The following GCN1 variants were observed in gnomAD, a reference collection of about 807,000 sequenced individuals.
GCN1 encodes stalled ribosome sensor GCN1.
GCN1 carries 90 observed loss-of-function variants against 288.4 expected under a neutral mutation model. The ratio of observed to expected loss-of-function variants is 0.31; its 90% confidence interval spans 0.26 to 0.37. GCN1 has a LOEUF of 0.37. GCN1 is among the 10% of genes least tolerant of loss of function. The probability of loss-of-function intolerance (pLI) is 1.00; values close to 1 mark genes in which losing one functional copy is unlikely to be tolerated. For synonymous variants in GCN1, 1,386 were observed against 1,420.2 expected, an observed-to-expected ratio of 0.98 and a Z score of 0.54; for missense variants, 2,586 against 3,419.9, an observed-to-expected ratio of 0.76 and a Z score of 6.08.
rs780682486 is a variant in GCN1 at position 120,153,735 on chromosome 12, C to A, written c.3867+9G>T. On this transcript the variant is annotated intron_variant, in intron 32 of 57. Transcript: ENST00000300648. This position sits in a 1 kb window ranked among gnomAD's most constrained non-coding sequence, Gnocchi z 4.4. ...TCCCGTGGGTGTTCCCTGGCTGGGACCCCCTTACCTTCCCATGAGTGTTGA... is the reference window on the plus strand; with the variant it reads ...TCCCGTGGGTGTTCCCTGGCTGGGAACCCCTTACCTTCCCATGAGTGTTGA... The A allele has an allele frequency of 4.3e-5, 69 of 1,612,730 alleles. No individual in the cohort carries two copies. Among genetic ancestry groups the A allele is most frequent in the Non-Finnish European group, 5.8e-5 (68 of 1,179,218 alleles).
In GCN1 at chr12:120,127,844, G is replaced by T. The variant is rs1876666715; in HGVS notation, c.*5C>A. ...AGCGGCAATGCTGCTGCTGGCCCAG[G>T]CCTCTCATGTCAGGATGGTGTCGTC... is the stretch of plus-strand genomic sequence containing the variant. On this transcript the variant is annotated 3_prime_UTR_variant, in exon 58 of 58. Coordinates refer to ENST00000300648, the MANE Select transcript of GCN1 (RefSeq NM_006836.2). 1.2e-6 allele frequency: 2 copies of T among 1,612,644 alleles called. No individual in the cohort carries two copies. The highest frequency in any genetic ancestry group is 3.3e-5 in the Admixed American group (2 of 59,916).
chr12:120,171,637 G>T (rs923933305), intron 14 of GCN1, among the ~76,000 whole-genome samples: 1 of 152,058 alleles, frequency 6.6e-6, no homozygotes, highest in African/African-American at 2.4e-5. Context: ...TTATTACAGA[G>T]GTTTATTTTC....
At position 120,164,434 on chromosome 12, in the gene GCN1, C is replaced by A. The variant is rs1878033939; in HGVS notation, c.1750G>T (p.Ala584Ser). ...LSRTWHVRRQ[A>S]QQTVRKLLSS... is the part of the protein sequence containing the mutation. ...AGCAGCTTCCGAACTGTCTGCTGAG[C>A]CTGCCTGCGGACGTGCCAGGTGCGG... Residue 584 changes from alanine to serine, a missense_variant, in exon 18 of 58, where the codon GCT (alanine) becomes TCT (serine). Ala to Ser is a moderately conservative substitution (Grantham distance 99, BLOSUM62 1). Around this residue, in one of 8 missense-constraint regions of GCN1, gnomAD observed 913 missense variants for 1,107.0 expected, o/e 0.82. Coordinates refer to ENST00000300648, the MANE Select transcript of GCN1 (RefSeq NM_006836.2). 6.2e-7 allele frequency: 1 copy of A among 1,614,022 alleles called. No homozygotes were observed. The highest frequency in any genetic ancestry group is 1.3e-5 in the African/African-American group (1 of 74,934).
In GCN1 at chr12:120,144,510, A is replaced by G; in HGVS notation, c.5353-62T>C. The G allele has an allele frequency of 1.3e-6, 2 of 1,582,212 alleles. No homozygotes were observed. The highest frequency in any genetic ancestry group is 1.8e-5 in the Admixed American group (1 of 55,944). ...CCCCCAGGCCCCCAGCCCAAAAAACATGGGGCTCACTGAAGGCTGAGGGCT... is the reference window on the plus strand; with the variant it reads ...CCCCCAGGCCCCCAGCCCAAAAAACGTGGGGCTCACTGAAGGCTGAGGGCT... On this transcript the variant is annotated intron_variant, in intron 41 of 57. Coordinates refer to ENST00000300648, the MANE Select transcript of GCN1 (RefSeq NM_006836.2). This position sits in a 1 kb window ranked among gnomAD's most constrained non-coding sequence, Gnocchi z 4.7.
At chr12:120,190,441 ATAAAAC>A in intron 1 of GCN1, 41 bp from the exon 2 acceptor site, 1 of 1,060,070 alleles carries the variant, frequency 9.4e-7, no homozygotes. Flanking sequence ...TAGTCAGACT[ATAAAAC>A]TATGAGTGTG....
At chr12:120,150,956 G>C (rs1877528749) in intron 34 of GCN1, among the ~76,000 whole-genome samples, 189 bp downstream of exon 34, 1 of 151,358 alleles carries the variant, frequency 6.6e-6, no homozygotes, top group Non-Finnish European at 1.5e-5. Context: ...AAACAGAAAA[G>C]AAAAAAAAAT....
rs1289112258 is a variant in GCN1 at position 120,131,912 on chromosome 12, T to A, written c.7414+14A>T. On this transcript the variant is annotated intron_variant, in intron 54 of 57. Transcript: ENST00000300648. The stretch of plus-strand genomic sequence containing the variant: ...GGCCCAGGTCCCTGAAGGGGAACTC[T>A]CCAGTGTACTTACCCAGCAAGCACT... 6.4e-7 allele frequency: 1 copy of A among 1,550,550 alleles called. No individual in the cohort carries two copies. Among genetic ancestry groups the A allele is most frequent in the African/African-American group, 1.4e-5 (1 of 73,976 alleles).
At position 120,153,467 on chromosome 12, in the gene GCN1, C is replaced by G. The variant is rs1193799653; in HGVS notation, c.3868-60G>C. 6.9e-7 allele frequency: 1 copy of G among 1,453,632 alleles called. No homozygotes were observed. The highest frequency in any genetic ancestry group is 9.5e-7 in the Non-Finnish European group (1 of 1,053,008). 90.0% of individuals were successfully genotyped at this position (1,453,632 alleles called of 1,614,324 possible). A position where few individuals can be genotyped will look rare whatever the true frequency, so the allele number is the denominator to read the frequency against. ...CCCTACAGGCTGCATCTGGGGACAA[C>G]AGTCCCTGCCCTGAGGACCAAGACC... On this transcript the variant is annotated intron_variant, in intron 32 of 57. Coordinates refer to ENST00000300648, the MANE Select transcript of GCN1 (RefSeq NM_006836.2). The surrounding 1 kb of genome is among the most constrained non-coding windows in gnomAD (Gnocchi z 4.4).
At chr12:120,140,804 T>C (rs1566300033) in intron 45 of GCN1, 55 bp downstream of exon 45, 3 of 1,548,772 alleles carry the variant, frequency 1.9e-6, no homozygotes, top group African/African-American at 2.7e-5. Context: ...TCCCCCGCCC[T>C]CTGAGTCAGG....
chr12:120,159,057 C>T (rs1156472982), intron 24 of GCN1, among the ~76,000 whole-genome samples: 1 of 152,026 alleles, frequency 6.6e-6, no homozygotes, highest in Non-Finnish European at 1.5e-5. Context: ...ATGTCCCCAG[C>T]CTAATTTCTC....
Position 120,164,263 on chromosome 12 carries a change from A to G in GCN1, c.1848+73T>C, listed in dbSNP as rs1045402556. The G allele has an allele frequency of 4.4e-5, 61 of 1,394,344 alleles. No individual in the cohort carries two copies. The African/African-American group carries it at 7.5e-4, about 17-fold the overall frequency. 86.4% of individuals were successfully genotyped at this position (1,394,344 alleles called of 1,614,324 possible). ...AGAACACCCAGGGAGTGGCCCAGCC[A>G]AAACCCCACATCGTAAGCAGGGGCA... On this transcript the variant is annotated intron_variant, in intron 18 of 57. Coordinates refer to ENST00000300648, the MANE Select transcript of GCN1 (RefSeq NM_006836.2).
chr12:120,163,005 C>T (rs749080353), intron 19 of GCN1, 34 bp from the exon 20 acceptor site: 2 of 1,613,802 alleles, frequency 1.2e-6, no homozygotes, highest in Admixed American at 1.7e-5. Flanking sequence ...AGGCCTTCTG[C>T]CTGGCCTGCT....
intron 15 of GCN1, among the ~76,000 whole-genome samples, chr12:120,169,122 T>C (rs1428101067): frequency 6.6e-6 from 1 of 152,036 alleles, no homozygotes; most frequent in East Asian, 1.9e-4. Flanking sequence ...GATGAAACCC[T>C]GTCTCTACTA....
rs751912292 is a variant in GCN1 at position 120,144,806 on chromosome 12, C to T, written c.5185G>A (p.Val1729Met). The change falls in exon 41 of 58, where the codon GTG (valine) becomes ATG (methionine). Residue 1729 changes from valine (V) to methionine (M), a missense_variant. By Grantham distance (21) the Val-to-Met change is conservative. Transcript: ENST00000300648. This position sits in a 1 kb window ranked among gnomAD's most constrained non-coding sequence, Gnocchi z 4.7. Reference protein sequence around the residue: ...GLAEVMAGLGVEKLEKLMPEI... With the variant: ...GLAEVMAGLGMEKLEKLMPEI... The stretch of plus-strand genomic sequence containing the variant: ...GGCATCAACTTCTCCAACTTCTCCA[C>T]CCCCAAACCGGCCATGACCTCAGCC... The T allele has an allele frequency of 2.5e-6, 4 of 1,614,040 alleles. No homozygotes were observed. In the African/African-American group the frequency reaches 5.3e-5, roughly 22 times the overall value.
Position 120,132,446 on chromosome 12 carries a change from C to T in GCN1, c.7318-424G>A, listed in dbSNP as rs150054854. Among the ~76,000 whole-genome samples the T allele has an allele frequency of 3.5e-3, 531 of 152,232 alleles. 4 individuals carry two copies. The highest frequency in any genetic ancestry group is 0.012 in the African/African-American group (505 of 41,536). On this transcript the variant is annotated intron_variant, in intron 53 of 57. Transcript: ENST00000300648. The stretch of plus-strand genomic sequence containing the variant: ...ACCTGCCCCCAGCCACCAGGGAAGC[C>T]GGCTAGAGACGGCCACTCTGAGCTC...
intron 56 of GCN1, 107 bp from the exon 57 acceptor site, chr12:120,129,601 C>T (rs1876747467): frequency 9.6e-6 from 8 of 832,748 alleles, no homozygotes; most frequent in Non-Finnish European, 2.0e-6. Flanking sequence ...AACACTGACC[C>T]CCCCTGCTCC....
chr12:120,161,457 A>C (rs1877922940), intron 22 of GCN1, 33 bp downstream of exon 22: 2 of 1,450,532 alleles, frequency 1.4e-6, no homozygotes, highest in Non-Finnish European at 1.9e-6. Flanking sequence ...CAAGCTCAGC[A>C]GCCACCTTCC....
chr12:120,173,984 A>G (rs1328826887), intron 13 of GCN1, 87 bp downstream of exon 13: 3 of 1,021,790 alleles, frequency 2.9e-6, no homozygotes, highest in Admixed American at 3.9e-5. Context: ...TCTTTAGGAG[A>G]GGTTTATGGA....
chr12:120,183,309 C>T (rs1392409270), intron 5 of GCN1, among the ~76,000 whole-genome samples: 4 of 152,312 alleles, frequency 2.6e-5, no homozygotes, highest in East Asian at 1.9e-4. Context: ...AAATCAGGGG[C>T]CTCATTTCTG....
Sources: allele counts gnomAD v4.1 joint callset (sites outside exome capture counted in the v4.1 genomes callset), GRCh38; gene constraint gnomAD v4.1.1; regional missense constraint gnomAD v4.1.1; non-coding constraint Gnocchi (gnomAD v3.1); transcripts MANE v1.5; gene names NCBI Gene and HGNC (gene_info 2026-07-23, HGNC 2026-07-21).